CHRM3: variants seen among roughly 807,000 people sequenced by gnomAD.
CHRM3 encodes the protein muscarinic acetylcholine receptor M3.
A neutral mutation model predicts 41.8 loss-of-function variants in CHRM3; 11 were observed. The ratio of observed to expected loss-of-function variants is 0.26; its 90% CI spans 0.17 to 0.44. CHRM3 has a LOEUF of 0.44. CHRM3 is among the 20% of genes least tolerant of loss of function. The pLI is 1.00. For synonymous variants in CHRM3, 297 were observed against 301.4 expected (o/e 0.99, Z 0.15); for missense variants, 571 against 745.4 (o/e 0.77, Z 2.72).
intron 3 of CHRM3, among the ~76,000 whole-genome samples, chr1:239,585,332 A>C (rs1663300193): frequency 6.6e-6 from 1 of 152,102 alleles, no homozygotes; most frequent in Admixed American, 6.6e-5. Context: ...GTGTGTCCCC[A>C]GTAGGTGTGA....
chr1:239,520,412 T>C (rs1444842055), intron 2 of CHRM3, among the ~76,000 whole-genome samples: 3 of 152,092 alleles, frequency 2.0e-5, no homozygotes, highest in African/African-American at 7.2e-5. Flanking sequence ...GTCCTGGTGA[T>C]AGTGAGTTCT....
chr1:239,733,066 G>A (rs949350932), intron 5 of CHRM3, among the ~76,000 whole-genome samples: 5 of 151,968 alleles, frequency 3.3e-5, no homozygotes, highest in Admixed American at 6.6e-5. Context: ...CCCTCCAGAC[G>A]TCTCCATTGC....
Position 239,700,571 on chromosome 1 carries a change from A to G in CHRM3, c.-147+22283A>G, listed in dbSNP as rs144082797. On this transcript the variant is annotated intron_variant, in intron 5 of 6. Transcript: ENST00000676153. Reference sequence around the variant, plus strand: ...AGCGCTATCAAACAAGCCTTTTCCTAGGTAAACATTCTCAGTTCATCCCCT... The same window carrying G: ...AGCGCTATCAAACAAGCCTTTTCCTGGGTAAACATTCTCAGTTCATCCCCT... Among the ~76,000 whole-genome samples, 555 of 152,256 alleles carry G rather than the reference A, an allele frequency of 3.6e-3. 1 individual carries two copies. Among genetic ancestry groups the G allele is most frequent in the African/African-American group, 0.012 (496 of 41,540 alleles).
chr1:239,639,931 A>G (rs902488318), intron 4 of CHRM3, among the ~76,000 whole-genome samples: 10 of 150,564 alleles, frequency 6.6e-5, no homozygotes, highest in Admixed American at 4.7e-4. Context: ...ATTTTGAGAT[A>G]TGTCCCATCA....
chr1:239,567,243 G>A (rs1661437802), intron 3 of CHRM3, among the ~76,000 whole-genome samples: 1 of 151,740 alleles, frequency 6.6e-6, no homozygotes, highest in Admixed American at 6.6e-5. Context: ...AGGCTGAGGT[G>A]GGAGGATCAC....
chr1:239,518,541 G>A (rs1294540892), intron 2 of CHRM3, among the ~76,000 whole-genome samples: 1 of 152,128 alleles, frequency 6.6e-6, no homozygotes, highest in Non-Finnish European at 1.5e-5. Flanking sequence ...GTCAACCTGG[G>A]TTAAGACCCC....
At chr1:239,762,097 TA>T (rs1234991064) in intron 5 of CHRM3, among the ~76,000 whole-genome samples, 1 of 152,164 alleles carries the variant, frequency 6.6e-6, no homozygotes, top group Non-Finnish European at 1.5e-5. Context: ...TTGTTTCAGC[TA>T]TTTTATCCAG....
At chr1:239,900,749 G>A (rs1679481237) in intron 6 of CHRM3, among the ~76,000 whole-genome samples, 1 of 152,174 alleles carries the variant, frequency 6.6e-6, no homozygotes, top group African/African-American at 2.4e-5. Flanking sequence ...CTACAGCAAT[G>A]AGGGGAGAAA....
intron 4 of CHRM3, among the ~76,000 whole-genome samples, chr1:239,666,425 C>T (rs1410499173): frequency 2.6e-5 from 4 of 152,008 alleles, no homozygotes; most frequent in African/African-American, 9.7e-5. Context: ...CTTCTGACCT[C>T]AGGTGATCTG....
chr1:239,617,614 G>T (rs1212292459), intron 3 of CHRM3, among the ~76,000 whole-genome samples: 1 of 152,154 alleles, frequency 6.6e-6, no homozygotes, highest in Non-Finnish European at 1.5e-5. Flanking sequence ...CATGTCTGTA[G>T]TCCCAGCTAC....
At chr1:239,896,577 G>C (rs1191800595) in intron 6 of CHRM3, among the ~76,000 whole-genome samples, 1 of 152,186 alleles carries the variant, frequency 6.6e-6, no homozygotes, top group Non-Finnish European at 1.5e-5. Context: ...TCATTAATTA[G>C]TATCAGGACA....
intron 2 of CHRM3, among the ~76,000 whole-genome samples, chr1:239,541,675 C>A (rs951671837): frequency 6.6e-6 from 1 of 151,996 alleles, no homozygotes; most frequent in African/African-American, 2.4e-5. Flanking sequence ...CTGCGCCAGG[C>A]TAATTTTTCT....
intron 6 of CHRM3, among the ~76,000 whole-genome samples, chr1:239,834,335 C>A (rs756877879): frequency 6.0e-5 from 7 of 116,704 alleles, no homozygotes; most frequent in East Asian, 2.5e-4. Flanking sequence ...TTTTTTGAGA[C>A]GGAGTCTCAC....
At chr1:239,686,727 C>A (rs541416977) in intron 5 of CHRM3, among the ~76,000 whole-genome samples, 1 of 152,092 alleles carries the variant, frequency 6.6e-6, no homozygotes, top group Non-Finnish European at 1.5e-5. Flanking sequence ...TGAATTTTAA[C>A]GGATCCATGA....
At chr1:239,759,147 A>G (rs904836721) in intron 5 of CHRM3, among the ~76,000 whole-genome samples, 19 of 139,996 alleles carry the variant, frequency 1.4e-4, no homozygotes, top group Admixed American at 2.2e-4. Context: ...TTCCCCCCTG[A>G]GCTTTATGGG....
At chr1:239,422,038 G>A (rs1191440484) in intron 1 of CHRM3, among the ~76,000 whole-genome samples, 1 of 152,128 alleles carries the variant, frequency 6.6e-6, no homozygotes, top group African/African-American at 2.4e-5. Flanking sequence ...GAAAATGAGG[G>A]CCATGGGACC....
At chr1:239,473,538 G>T (rs931923257) in intron 1 of CHRM3, among the ~76,000 whole-genome samples, 24 of 152,116 alleles carry the variant, frequency 1.6e-4, no homozygotes, top group Non-Finnish European at 1.8e-4. Flanking sequence ...GGGTAGTTTA[G>T]CAATGTACAG....
At chr1:239,783,515 C>T (rs774451141) in intron 5 of CHRM3, among the ~76,000 whole-genome samples, 13 of 151,964 alleles carry the variant, frequency 8.6e-5, no homozygotes, top group Non-Finnish European at 1.8e-4. Flanking sequence ...TAATAATAGC[C>T]ATCTTGAAGG....
At position 239,891,981 on chromosome 1, in the gene CHRM3, G is replaced by T. The variant is rs1678588924; in HGVS notation, c.-19-15452G>T. 4.6e-5 allele frequency among the ~76,000 whole-genome samples: 7 copies of T among 152,162 alleles called. No individual in the cohort carries two copies. The South Asian group carries it at 1.5e-3, about 32-fold the overall frequency. ...CACAGCCGAGAACTCGGTGTTCAAG[G>T]TCACCCTAGGGTCCCTTTGACCAAG... On this transcript the variant is annotated intron_variant, in intron 6 of 6. Coordinates refer to ENST00000676153, the MANE Select transcript of CHRM3 (RefSeq NM_001375978.1).
Sources: allele counts gnomAD v4.1 joint callset (sites outside exome capture counted in the v4.1 genomes callset), GRCh38; gene constraint gnomAD v4.1.1; transcripts MANE v1.5; gene names NCBI Gene and HGNC (gene_info 2026-07-23, HGNC 2026-07-21).